KDM2B: variants seen among roughly 807,000 people sequenced by gnomAD.
The protein encoded by KDM2B is lysine-specific demethylase 2B.
A neutral mutation model predicts 150.0 loss-of-function variants in KDM2B; 26 were observed. The observed-to-expected ratio is 0.17, with a 90% CI of 0.13 to 0.24. The LOEUF is 0.24. Ranked by LOEUF, KDM2B falls within the 10% of genes least tolerant of loss-of-function variation. The probability of loss-of-function intolerance (pLI) is 1.00; values close to 1 mark genes in which losing one functional copy is unlikely to be tolerated. For missense variants in KDM2B, 1,265 were observed against 1,816.9 expected (o/e 0.70, Z 5.52); for synonymous variants, 734 against 729.5 (o/e 1.01, Z -0.10).
At chr12:121,409,813 G>GT in the KDM2B span, 1 of 152,304 alleles carries the variant, frequency 6.6e-6, no homozygotes, top group African/African-American at 2.4e-5. Flanking sequence ...CTGAAGGGCA[G>GT]CGGGGGTGGG....
At chr12:121,532,508 C>A (rs976765202) in intron 8 of KDM2B, among the ~76,000 whole-genome samples, 2 of 152,236 alleles carry the variant, frequency 1.3e-5, no homozygotes, top group Admixed American at 1.3e-4. Flanking sequence ...GCAAACCCAC[C>A]CCCATTACCC....
chr12:121,410,939 T>G, the KDM2B span, among the ~76,000 whole-genome samples: 7 of 152,320 alleles, frequency 4.6e-5, no homozygotes, highest in African/African-American at 1.2e-4. Context: ...TGGGCTTTTT[T>G]GTTGTTTGTT....
rs1555288408 is a variant in KDM2B, at chr12:121,442,057, G to A, written c.3284+100C>T. 1 of 994,220 alleles carries A rather than the reference G, an allele frequency of 1.0e-6. No homozygotes were observed. Among genetic ancestry groups the A allele is most frequent in the Non-Finnish European group, 1.6e-6 (1 of 644,714 alleles). 61.6% of individuals were successfully genotyped at this position (994,220 alleles called of 1,614,324 possible). A position where few individuals can be genotyped will look rare whatever the true frequency, so the allele number is the denominator to read the frequency against. ...CGGAGCACAATGAAGCCATACTGGG[G>A]TTTGGAAGGAAAGAGCATCGCCAGC... is the stretch of plus-strand genomic sequence containing the variant. On this transcript the variant is annotated intron_variant, in intron 19 of 22. Coordinates refer to ENST00000377071, the MANE Select transcript of KDM2B (RefSeq NM_032590.5). The surrounding 1 kb of genome is among the most constrained non-coding windows in gnomAD (Gnocchi z 7.7).
In KDM2B at chr12:121,512,417, T is replaced by C. The variant is rs146934263; in HGVS notation, c.1174+859A>G. The stretch of plus-strand genomic sequence containing the variant: ...AAGGGAAGGGATGGAAGAGGCTTAC[T>C]GTAAAGGGGAAATAAAAAAAGAATC... On this transcript the variant is annotated intron_variant, in intron 10 of 22. Coordinates refer to ENST00000377071, the MANE Select transcript of KDM2B (RefSeq NM_032590.5). Among the ~76,000 whole-genome samples, 27 of 151,930 alleles carry C rather than the reference T, an allele frequency of 1.8e-4. No homozygotes were observed. The East Asian group carries it at 5.0e-3, about 28-fold the overall frequency.
chr12:121,438,291 C>T (rs555151205), intron 22 of KDM2B, among the ~76,000 whole-genome samples: 38 of 151,432 alleles, frequency 2.5e-4, no homozygotes, highest in African/African-American at 9.0e-4. Flanking sequence ...GCTGTATGCA[C>T]TGAGATAAAA....
At chr12:121,565,953 T>C (rs1555314841) in intron 4 of KDM2B, among the ~76,000 whole-genome samples, 2 of 150,594 alleles carry the variant, frequency 1.3e-5, no homozygotes, top group Non-Finnish European at 3.0e-5. Flanking sequence ...TTTTTAATAA[T>C]AATAACAGTG....
intron 12 of KDM2B, among the ~76,000 whole-genome samples, chr12:121,475,182 C>CTG (rs60083867): frequency 0.065 from 9,100 of 139,650 alleles, 277 homozygotes; most frequent in South Asian, 0.095. Flanking sequence ...ACACATGACT[C>CTG]TGTGTGTGTG....
Position 121,513,169 on chromosome 12 carries a change from A to G in KDM2B, c.1174+107T>C. 3 of 1,332,320 alleles carry G rather than the reference A, an allele frequency of 2.3e-6. No homozygotes were observed. In the South Asian group the frequency reaches 3.9e-5, roughly 17 times the overall value. 82.5% of individuals were successfully genotyped at this position (1,332,320 alleles called of 1,614,324 possible). On this transcript the variant is annotated intron_variant, in intron 10 of 22. Transcript: ENST00000377071. This position sits in a 1 kb window ranked among gnomAD's most constrained non-coding sequence, Gnocchi z 5.0. ...TCCTAGGATTCTGCCCAATACACTG[A>G]TTCAACGAATCCCCAAAACTCAGGG...
At chr12:121,538,363 G>C (rs1449236388) in intron 6 of KDM2B, among the ~76,000 whole-genome samples, 3 of 152,028 alleles carry the variant, frequency 2.0e-5, no homozygotes, top group African/African-American at 7.2e-5. Flanking sequence ...CCGAGCTAGG[G>C]GCCGCGGGGA....
intron 12 of KDM2B, among the ~76,000 whole-genome samples, chr12:121,488,866 G>T (rs1055095245): frequency 6.6e-6 from 1 of 151,730 alleles, no homozygotes; most frequent in Non-Finnish European, 1.5e-5. Context: ...GTGCAATGGC[G>T]CGATCTTGGC....
chr12:121,551,344 CTTTTTTTTTTT>C (rs1176650753), intron 4 of KDM2B, among the ~76,000 whole-genome samples: 9 of 130,940 alleles, frequency 6.9e-5, no homozygotes, highest in East Asian at 2.2e-4. Context: ...AGATTCCATT[CTTTTTTTTTTT>C]TTTTTTTTGA....
rs1875245232 is a variant in KDM2B at position 121,442,257 on chromosome 12, C to G, written c.3184G>C (p.Ala1062Pro). The change falls in exon 19 of 23, where the codon GCC becomes CCC. Residue 1062 changes from alanine (A) to proline (P), a missense_variant. By Grantham distance (27) the Ala-to-Pro change is conservative. Around this residue, in one of 11 missense-constraint regions of KDM2B, gnomAD observed 251 missense variants for 397.8 expected, o/e 0.63. Coordinates refer to ENST00000377071, the MANE Select transcript of KDM2B (RefSeq NM_032590.5). This position sits in a 1 kb window ranked among gnomAD's most constrained non-coding sequence, Gnocchi z 7.7. ...CACACCTCCCTGTGCATGACGTGGG[C>G]TGCCCCATCGTCCAGGGGTAGCGAG... ...PDSLPLDDGAAHVMHREVWMA... is the reference protein window; with the variant it reads ...PDSLPLDDGAPHVMHREVWMA... The G allele has an allele frequency of 6.2e-7, 1 of 1,612,724 alleles. No homozygotes were observed. Among genetic ancestry groups the G allele is most frequent in the Admixed American group, 1.7e-5 (1 of 59,990 alleles).
chr12:121,554,787 G>T (rs1433352329), intron 4 of KDM2B, among the ~76,000 whole-genome samples: 1 of 152,104 alleles, frequency 6.6e-6, no homozygotes, highest in African/African-American at 2.4e-5. Flanking sequence ...ATGCACACAG[G>T]TATTAATCCA....
At chr12:121,487,754 C>G (rs1303116325) in intron 12 of KDM2B, among the ~76,000 whole-genome samples, 1 of 152,038 alleles carries the variant, frequency 6.6e-6, no homozygotes, top group Admixed American at 6.6e-5. Flanking sequence ...TAGGACTCCT[C>G]CCGTCTAGGA....
intron 6 of KDM2B, among the ~76,000 whole-genome samples, chr12:121,540,027 A>G (rs951090881): frequency 6.6e-6 from 1 of 152,178 alleles, no homozygotes; most frequent in Middle Eastern, 3.2e-3. Flanking sequence ...GACATGAGCC[A>G]CCGCAGCTCG....
At chr12:121,563,856 C>A (rs1463792926) in intron 4 of KDM2B, among the ~76,000 whole-genome samples, 1 of 151,482 alleles carries the variant, frequency 6.6e-6, no homozygotes, top group African/African-American at 2.4e-5. Context: ...CAGATCACAC[C>A]ACTGCACTCC....
At chr12:121,527,357 A>G (rs1162035162) in intron 8 of KDM2B, among the ~76,000 whole-genome samples, 5 of 440 alleles carry the variant, frequency 0.011, no homozygotes, top group African/African-American at 0.042. Flanking sequence ...CTAAAAAAAA[A>G]TTGTTTAAAA....
chr12:121,417,537 TCC>T, the KDM2B span: 1 of 1,613,524 alleles, frequency 6.2e-7, no homozygotes, highest in Non-Finnish European at 8.5e-7. The surrounding 1 kb of genome is among the most constrained non-coding windows in gnomAD (Gnocchi z 5.0). Context: ...GGATTTTTGC[TCC>T]GTTTGTTCAG....
the KDM2B span, among the ~76,000 whole-genome samples, chr12:121,419,164 C>CT: frequency 6.6e-6 from 1 of 152,124 alleles, no homozygotes; most frequent in African/African-American, 2.4e-5. Context: ...TTTATTGTAC[C>CT]TTTTTTGTGT....
Sources: allele counts gnomAD v4.1 joint callset (sites outside exome capture counted in the v4.1 genomes callset), GRCh38; gene constraint gnomAD v4.1.1; regional missense constraint gnomAD v4.1.1; non-coding constraint Gnocchi (gnomAD v3.1); transcripts MANE v1.5; gene names NCBI Gene and HGNC (gene_info 2026-07-23, HGNC 2026-07-21).